TNRC6C: variants seen among roughly 807,000 people sequenced by gnomAD.
TNRC6C encodes trinucleotide repeat containing adaptor 6C, also known as trinucleotide repeat-containing gene 6C protein.
A neutral mutation model predicts 153.7 loss-of-function variants in TNRC6C; 20 were observed. The observed-to-expected ratio is 0.13, with a 90% CI of 0.09 to 0.19. TNRC6C has a LOEUF of 0.19. Ranked by LOEUF, TNRC6C falls within the 10% of genes least tolerant of loss-of-function variation. The probability of loss-of-function intolerance (pLI) is 1.00; values close to 1 mark genes in which losing one functional copy is unlikely to be tolerated. For synonymous variants in TNRC6C, 811 were observed against 841.4 expected (o/e 0.96, Z 0.63); for missense variants, 1,987 against 2,172.0 (o/e 0.91, Z 1.69).
intron 1 of TNRC6C, among the ~76,000 whole-genome samples, chr17:77,989,620 G>C (rs1163283220): frequency 6.6e-6 from 1 of 152,162 alleles, no homozygotes; most frequent in Non-Finnish European, 1.5e-5. Context: ...TTATTTACCT[G>C]TGTTTGTATT....
At chr17:77,973,576 T>C (rs2070959182) in intron 1 of TNRC6C, among the ~76,000 whole-genome samples, 2 of 152,214 alleles carry the variant, frequency 1.3e-5, no homozygotes, top group South Asian at 4.1e-4. Flanking sequence ...GACATAACCC[T>C]GTGTATAGAA....
chr17:78,100,005 C>CA (rs896334189), intron 17 of TNRC6C, among the ~76,000 whole-genome samples: 21 of 152,238 alleles, frequency 1.4e-4, no homozygotes, highest in African/African-American at 5.1e-4. Flanking sequence ...AGTCAAATCT[C>CA]AAAGCTCCAA....
At chr17:77,970,999 T>C (rs773755594) in intron 1 of TNRC6C, among the ~76,000 whole-genome samples, 1 of 151,662 alleles carries the variant, frequency 6.6e-6, no homozygotes, top group Non-Finnish European at 1.5e-5. Context: ...ATAGACCTTG[T>C]CTCAGAAAAA....
chr17:78,106,949 G>C (rs779407101), exon 20 of TNRC6C: 6 of 150,826 alleles, frequency 4.0e-5, no homozygotes, highest in Non-Finnish European at 8.8e-5. Context: ...AGAGGATCAT[G>C]AACTATGCAC....
intron 3 of TNRC6C, among the ~76,000 whole-genome samples, chr17:78,057,363 C>T (rs1283263092): frequency 3.9e-5 from 6 of 152,218 alleles, no homozygotes; most frequent in Admixed American, 3.9e-4. Flanking sequence ...TAGCCTTTCA[C>T]TCTCCAAACT....
At chr17:77,977,031 G>A (rs933709617) in intron 1 of TNRC6C, among the ~76,000 whole-genome samples, 1 of 143,818 alleles carries the variant, frequency 7.0e-6, no homozygotes, top group Non-Finnish European at 1.5e-5. Flanking sequence ...GTTGCTACTT[G>A]TGTACAAATT....
intron 3 of TNRC6C, among the ~76,000 whole-genome samples, chr17:78,054,624 A>G (rs1228058200): frequency 6.7e-6 from 1 of 149,770 alleles, no homozygotes; most frequent in Non-Finnish European, 1.5e-5. Context: ...GTAGACTAGT[A>G]TACACCACTG....
At chr17:78,045,868 C>T (rs1295390693) in intron 2 of TNRC6C, among the ~76,000 whole-genome samples, 1 of 151,404 alleles carries the variant, frequency 6.6e-6, no homozygotes, top group Non-Finnish European at 1.5e-5. Flanking sequence ...TAACTGTGTT[C>T]ACAATAGAGA....
intron 3 of TNRC6C, among the ~76,000 whole-genome samples, chr17:78,061,748 C>G (rs933333882): frequency 6.6e-6 from 1 of 152,132 alleles, no homozygotes; most frequent in African/African-American, 2.4e-5. Flanking sequence ...AGCAAGTGTT[C>G]TTCCATTTCT....
chr17:78,013,074 G>T (rs542950854), intron 1 of TNRC6C, among the ~76,000 whole-genome samples: 2 of 152,226 alleles, frequency 1.3e-5, no homozygotes, highest in African/African-American at 4.8e-5. Context: ...CCGTCCATCA[G>T]GTCATTAAAA....
At chr17:78,059,586 G>C (rs1195116951) in intron 3 of TNRC6C, among the ~76,000 whole-genome samples, 1 of 152,214 alleles carries the variant, frequency 6.6e-6, no homozygotes, top group Non-Finnish European at 1.5e-5. Context: ...AGTGGCTCAC[G>C]CCTGTAATCC....
chr17:78,022,076 G>A (rs1320020225), intron 1 of TNRC6C, among the ~76,000 whole-genome samples: 3 of 152,088 alleles, frequency 2.0e-5, no homozygotes, highest in Non-Finnish European at 4.4e-5. Flanking sequence ...TCTCACCAAG[G>A]TCATTCCCAG....
intron 2 of TNRC6C, among the ~76,000 whole-genome samples, chr17:78,033,883 G>T (rs1348228936): frequency 5.3e-5 from 8 of 152,050 alleles, no homozygotes; most frequent in Admixed American, 5.2e-4. Flanking sequence ...TGGTATCACA[G>T]CCAGATGCAT....
At chr17:78,020,925 T>G (rs2071820266) in intron 1 of TNRC6C, among the ~76,000 whole-genome samples, 1 of 152,248 alleles carries the variant, frequency 6.6e-6, no homozygotes. Context: ...TCCAGTCAAT[T>G]GCACAAGCTT....
chr17:77,991,296 C>G (rs1213596518), intron 1 of TNRC6C, among the ~76,000 whole-genome samples: 1 of 152,138 alleles, frequency 6.6e-6, no homozygotes, highest in African/African-American at 2.4e-5. Flanking sequence ...GTATGTGTAT[C>G]TGTTTTGTTT....
At chr17:78,064,971 A>G in intron 4 of TNRC6C, 34 bp downstream of exon 6, 1 of 1,564,736 alleles carries the variant, frequency 6.4e-7, no homozygotes, top group Non-Finnish European at 8.7e-7. Flanking sequence ...CTGATCTGGC[A>G]ATTTGGAAAT....
intron 4 of TNRC6C, among the ~76,000 whole-genome samples, chr17:78,065,185 C>CA (rs934372756): frequency 1.9e-4 from 29 of 150,540 alleles, no homozygotes; most frequent in Non-Finnish European, 3.3e-4. Context: ...CTTGTCACTA[C>CA]AAAAAAAAAT....
At chr17:78,023,422 C>A (rs911091961) in intron 1 of TNRC6C, among the ~76,000 whole-genome samples, 1 of 152,230 alleles carries the variant, frequency 6.6e-6, no homozygotes, top group African/African-American at 2.4e-5. Flanking sequence ...TGCTCCTCCT[C>A]CTCCTCCTCT....
In TNRC6C at chr17:78,085,926, AC is replaced by A. The variant is rs573018637; in HGVS notation, c.3478-576del. Among the ~76,000 whole-genome samples the A allele has an allele frequency of 1.0e-3, 154 of 152,138 alleles. 2 individuals are homozygous for A. Among genetic ancestry groups the A allele is most frequent in the African/African-American group, 3.5e-3 (147 of 41,508 alleles). ...TTAAATGAAAAATATTTGCTGACCAACATCATCACCAACACTAAACAGGTAT... is the reference window on the plus strand; with the variant it reads ...TTAAATGAAAAATATTTGCTGACCAAATCATCACCAACACTAAACAGGTAT... On this transcript the variant is annotated intron_variant, in intron 11 of 19. Transcript: ENST00000301624.
Sources: gnomAD v4.1 joint callset for allele counts (sites outside exome capture counted in the v4.1 genomes callset) on GRCh38, gnomAD v4.1.1 for gene constraint, MANE v1.5 for transcripts, NCBI Gene and HGNC (gene_info 2026-07-23, HGNC 2026-07-21) for gene names.